INPP5A: variants seen among roughly 807,000 people sequenced by gnomAD.
INPP5A encodes the protein 43 kDa inositol polyphosphate 5-phophatase.
In INPP5A, 14 loss-of-function variants were observed where a neutral mutation model predicts 65.2. The ratio of observed to expected loss-of-function variants is 0.21; its 90% CI spans 0.14 to 0.34. The LOEUF is 0.34. Ranked by LOEUF, INPP5A falls within the 10% of genes least tolerant of loss-of-function variation. The pLI, the probability that INPP5A is intolerant of heterozygous loss-of-function variation, is 1.00. For synonymous variants in INPP5A, 207 were observed against 208.3 expected, an observed-to-expected ratio of 0.99 and a Z score of 0.05; for missense variants, 431 against 545.6, an observed-to-expected ratio of 0.79 and a Z score of 2.09.
chr10:132,747,317 A>G (rs1024490796), intron 9 of INPP5A, among the ~76,000 whole-genome samples: 10 of 152,338 alleles, frequency 6.6e-5, no homozygotes, highest in African/African-American at 2.4e-4. Context: ...TTTGTGACAC[A>G]TGAGTCCAAA....
chr10:132,713,152 A>G (rs71481947), intron 8 of INPP5A, among the ~76,000 whole-genome samples: 1,524 of 146,436 alleles, frequency 0.01, 11 homozygotes, highest in Non-Finnish European at 0.015. Context: ...GTGCATGTGT[A>G]TGTGTGTGTG....
At chr10:132,679,589 G>A (rs545513965) in intron 4 of INPP5A, among the ~76,000 whole-genome samples, 30 of 152,210 alleles carry the variant, frequency 2.0e-4, no homozygotes, top group East Asian at 1.5e-3. Flanking sequence ...GTGGAGTCCC[G>A]TAGCCTAGAA....
At position 132,549,882 on chromosome 10, in the gene INPP5A, A is replaced by G. The variant is rs1443817615; in HGVS notation, c.75+11711A>G. On this transcript the variant is annotated intron_variant, in intron 1 of 15. Coordinates refer to ENST00000368594, the MANE Select transcript of INPP5A (RefSeq NM_005539.5). This position sits in a 1 kb window ranked among gnomAD's most constrained non-coding sequence, Gnocchi z 4.9. ...GTCAGCCTCAAATTATTAACCAGGC[A>G]TTAGGGGATGGGGTCAGCCTCGAGT... 6.6e-6 allele frequency among the ~76,000 whole-genome samples: 1 copy of G among 151,868 alleles called. No homozygotes were observed. The highest frequency in any genetic ancestry group is 1.5e-5 in the Non-Finnish European group (1 of 67,958).
intron 2 of INPP5A, among the ~76,000 whole-genome samples, chr10:132,617,505 C>T (rs974445237): frequency 5.9e-5 from 9 of 152,248 alleles, no homozygotes; most frequent in African/African-American, 1.9e-4. Flanking sequence ...CTGTGAGCCA[C>T]ACCTGAAGGG....
chr10:132,593,560 C>T (rs2071645738), intron 1 of INPP5A, among the ~76,000 whole-genome samples: 1 of 152,174 alleles, frequency 6.6e-6, no homozygotes, highest in South Asian at 2.1e-4. Flanking sequence ...ATTTTTCTTT[C>T]ACTTTCGAAG....
chr10:132,713,055 C>T (rs545045030), intron 8 of INPP5A, among the ~76,000 whole-genome samples: 1 of 150,626 alleles, frequency 6.6e-6, no homozygotes, highest in East Asian at 2.0e-4. Context: ...GGTGTGTGTG[C>T]ATATGTGGGG....
rs35660338 is a variant in INPP5A at position 132,769,809 on chromosome 10, C to A, written c.977+3963C>A. Among the ~76,000 whole-genome samples, 1,222 of 151,918 alleles carry A rather than the reference C, an allele frequency of 8.0e-3. 14 individuals are homozygous for A. The highest frequency in any genetic ancestry group is 0.015 in the South Asian group (73 of 4,798). On this transcript the variant is annotated intron_variant, in intron 12 of 15. Coordinates refer to ENST00000368594, the MANE Select transcript of INPP5A (RefSeq NM_005539.5). ...GCCCCCACCCCGTAGCTCCCCCCCC[C>A]CAAGTTCCTGATACGTGTGGCTCCC...
At chr10:132,553,678 T>C (rs1212474801) in intron 1 of INPP5A, among the ~76,000 whole-genome samples, 2 of 136,840 alleles carry the variant, frequency 1.5e-5, no homozygotes, top group African/African-American at 5.6e-5. Context: ...GGTGAATGCC[T>C]TCTCAGAGCC....
intron 12 of INPP5A, among the ~76,000 whole-genome samples, chr10:132,776,833 A>G (rs1393784085): frequency 6.6e-6 from 1 of 151,972 alleles, no homozygotes; most frequent in African/African-American, 2.4e-5. Flanking sequence ...AGTGGGGGCC[A>G]TGGCCATGAG....
At position 132,678,693 on chromosome 10, in the gene INPP5A, C is replaced by T. The variant is rs552067654; in HGVS notation, c.307-11699C>T. ...CAGAGGCGCCCAGGCCACATGCCTG[C>T]CCTCAGGGGGCTTCCCTTCCCTGAA... is the stretch of plus-strand genomic sequence containing the variant. On this transcript the variant is annotated intron_variant, in intron 4 of 15. Transcript: ENST00000368594. The surrounding 1 kb of genome is among the most constrained non-coding windows in gnomAD (Gnocchi z 4.1). Among the ~76,000 whole-genome samples the T allele has an allele frequency of 1.1e-3, 167 of 152,328 alleles. 2 individuals are homozygous for T. Among genetic ancestry groups the T allele is most frequent in the African/African-American group, 3.9e-3 (162 of 41,568 alleles).
intron 2 of INPP5A, among the ~76,000 whole-genome samples, chr10:132,623,810 C>G (rs1372825168): frequency 6.6e-6 from 1 of 152,048 alleles, no homozygotes; most frequent in Non-Finnish European, 1.5e-5. Flanking sequence ...AATAAGAAAG[C>G]AAAGAACCCA....
chr10:132,769,260 C>G (rs1433232484), intron 12 of INPP5A, among the ~76,000 whole-genome samples: 6 of 152,210 alleles, frequency 3.9e-5, no homozygotes, highest in Non-Finnish European at 8.8e-5. Context: ...TTATACAACC[C>G]TCAATTTTTG....
intron 11 of INPP5A, among the ~76,000 whole-genome samples, chr10:132,756,162 G>T (rs1030077541): frequency 6.6e-6 from 1 of 152,170 alleles, no homozygotes; most frequent in Admixed American, 6.5e-5. Flanking sequence ...AGAAAAGCAA[G>T]TGTGGGGGGG....
At chr10:132,761,790 C>G (rs1208408673) in intron 11 of INPP5A, among the ~76,000 whole-genome samples, 1 of 152,142 alleles carries the variant, frequency 6.6e-6, no homozygotes, top group Non-Finnish European at 1.5e-5. Flanking sequence ...AACTGTGAAC[C>G]ACGTAAGGAC....
intron 8 of INPP5A, among the ~76,000 whole-genome samples, chr10:132,721,131 G>A (rs1378526402): frequency 6.6e-6 from 1 of 151,604 alleles, no homozygotes. Context: ...TCAGGGTTCT[G>A]TGGTACCTGG....
At chr10:132,617,913 G>T (rs2072062112) in intron 2 of INPP5A, among the ~76,000 whole-genome samples, 1 of 152,200 alleles carries the variant, frequency 6.6e-6, no homozygotes, top group African/African-American at 2.4e-5. Flanking sequence ...TACTCTCTCT[G>T]CCTTTTTTGT....
chr10:132,666,041 C>T (rs1029430738), intron 4 of INPP5A, among the ~76,000 whole-genome samples: 4 of 122,694 alleles, frequency 3.3e-5, no homozygotes, highest in African/African-American at 1.3e-4. Flanking sequence ...GGCAACAGAG[C>T]AAGATCCTGT....
rs749721377 is a variant in INPP5A, at chr10:132,545,304, A to T, written c.75+7133A>T. Among the ~76,000 whole-genome samples, 11 of 152,168 alleles carry T rather than the reference A, an allele frequency of 7.2e-5. No individual in the cohort carries two copies. The highest frequency in any genetic ancestry group is 2.6e-4 in the Admixed American group (4 of 15,290). ...TGCCCCACCGTGAAGCATCAAATTT[A>T]GAGCCCCTCTGTCCAGGGGCTAGAG... On this transcript the variant is annotated intron_variant, in intron 1 of 15. Transcript: ENST00000368594. The surrounding 1 kb of genome is among the most constrained non-coding windows in gnomAD (Gnocchi z 4.6).
intron 4 of INPP5A, among the ~76,000 whole-genome samples, chr10:132,653,877 CAG>C (rs1230492716): frequency 2.0e-5 from 3 of 152,224 alleles, no homozygotes; most frequent in Admixed American, 6.5e-5. Context: ...GGAGGAAGCA[CAG>C]GGGCTGGGCC....
Sources: gnomAD v4.1 joint callset for allele counts (sites outside exome capture counted in the v4.1 genomes callset) on GRCh38, gnomAD v4.1.1 for gene constraint, Gnocchi (gnomAD v3.1) non-coding constraint, MANE v1.5 for transcripts, NCBI Gene and HGNC (gene_info 2026-07-23, HGNC 2026-07-21) for gene names.